The following RIC1 variants were observed in gnomAD, a reference collection of about 807,000 sequenced individuals.
RIC1 encodes the protein guanine nucleotide exchange factor subunit RIC1.
In RIC1, 88 loss-of-function variants were observed where a neutral mutation model predicts 169.0. That is an observed-to-expected ratio of 0.52 (90% CI 0.44 to 0.62). The LOEUF (loss-of-function observed/expected upper bound fraction) is 0.62, where lower values mean the gene tolerates loss of function less well. Among genes scored for constraint, RIC1 ranks in the 20% least tolerant of loss-of-function variants. RIC1 has a pLI of 0.00. For synonymous variants in RIC1, 790 were observed against 601.5 expected (o/e 1.31, Z -4.59); for missense variants, 1,877 against 1,725.5 (o/e 1.09, Z -1.56).
chr9:5,664,662 TCCTA>T (rs962826720), intron 2 of RIC1, among the ~76,000 whole-genome samples: 17 of 152,168 alleles, frequency 1.1e-4, no homozygotes, highest in African/African-American at 4.1e-4. Context: ...TGGCCTGTCT[TCCTA>T]GGTTGGGGAA....
chr9:5,671,270 TA>T (rs1477702575), intron 2 of RIC1, among the ~76,000 whole-genome samples: 123 of 147,782 alleles, frequency 8.3e-4, no homozygotes, highest in African/African-American at 3.0e-3. Flanking sequence ...TTATTATTAT[TA>T]TTATTTTTTT....
At chr9:5,715,164 C>T (rs1823156230) in intron 4 of RIC1, among the ~76,000 whole-genome samples, 1 of 152,180 alleles carries the variant, frequency 6.6e-6, no homozygotes, top group Non-Finnish European at 1.5e-5. Flanking sequence ...CAAGGTTATT[C>T]ATCACTTCAC....
intron 12 of RIC1, among the ~76,000 whole-genome samples, chr9:5,748,399 G>C (rs1195374835): frequency 5.3e-5 from 8 of 152,182 alleles, no homozygotes; most frequent in Non-Finnish European, 1.2e-4. Flanking sequence ...CATGTGAAAG[G>C]TTGAAGGATT....
At chr9:5,682,775 C>G (rs544514245) in intron 2 of RIC1, among the ~76,000 whole-genome samples, 4 of 152,312 alleles carry the variant, frequency 2.6e-5, no homozygotes, top group South Asian at 4.1e-4. Flanking sequence ...GTTCCATTCT[C>G]CCCGTCACTT....
At chr9:5,738,397 T>C in intron 7 of RIC1, 53 bp from the exon 8 acceptor site, 1 of 1,242,990 alleles carries the variant, frequency 8.0e-7, no homozygotes, top group Non-Finnish European at 1.2e-6. Context: ...TAATGCTTTT[T>C]CTATTTGTAT....
At chr9:5,677,078 A>G (rs113172138) in intron 2 of RIC1, among the ~76,000 whole-genome samples, 1,929 of 152,306 alleles carry the variant, frequency 0.013, 55 homozygotes, top group African/African-American at 0.044. Flanking sequence ...GTAGAAGTAT[A>G]TTTGACTTTT....
intron 17 of RIC1, among the ~76,000 whole-genome samples, chr9:5,759,348 TAG>T (rs1311289833): frequency 6.6e-6 from 1 of 152,174 alleles, no homozygotes; most frequent in Non-Finnish European, 1.5e-5. Context: ...AAATCAAGTA[TAG>T]AGAGTCATCT....
chr9:5,733,774 A>G (rs981312698), intron 7 of RIC1, among the ~76,000 whole-genome samples: 2 of 151,810 alleles, frequency 1.3e-5, no homozygotes, highest in Non-Finnish European at 2.9e-5. Flanking sequence ...ATTCAGTCAT[A>G]TTTTGTTTAG....
intron 10 of RIC1, among the ~76,000 whole-genome samples, chr9:5,745,721 T>C (rs1825336044): frequency 6.6e-6 from 1 of 152,202 alleles, no homozygotes; most frequent in Admixed American, 6.5e-5. Flanking sequence ...CTTTTGCAGA[T>C]AGAGAGCAGT....
At chr9:5,690,144 C>G in intron 3 of RIC1, 106 bp downstream of exon 3, 2 of 618,138 alleles carry the variant, frequency 3.2e-6, no homozygotes, top group Non-Finnish European at 5.2e-6. Flanking sequence ...AAAACTAAAC[C>G]AGCATTTCCC....
chr9:5,674,006 C>A (rs1022223818), intron 2 of RIC1, among the ~76,000 whole-genome samples: 2 of 152,142 alleles, frequency 1.3e-5, no homozygotes, highest in African/African-American at 4.8e-5. Flanking sequence ...GATTTATCAA[C>A]TGTGCTCGTC....
chr9:5,776,093 A>G lies in RIC1; in HGVS notation c.*1847A>G, dbSNP rs1827567265. ...TGATCTTTTCAAGTATCTGAAATAAAACACTGTGCTGCTGAGTTCATCTCA... is the reference window on the plus strand; with the variant it reads ...TGATCTTTTCAAGTATCTGAAATAAGACACTGTGCTGCTGAGTTCATCTCA... On this transcript the variant is annotated 3_prime_UTR_variant, in exon 26 of 26. Coordinates refer to ENST00000414202, the MANE Select transcript of RIC1 (RefSeq NM_020829.4). 6.6e-6 allele frequency: 1 copy of G among 152,162 alleles called. No individual in the cohort carries two copies. 9.4% of individuals were successfully genotyped at this position (152,162 alleles called of 1,614,324 possible). A position where few individuals can be genotyped will look rare whatever the true frequency, so the allele number is the denominator to read the frequency against.
intron 3 of RIC1, among the ~76,000 whole-genome samples, chr9:5,710,982 A>C (rs1251115142): frequency 6.6e-6 from 1 of 152,194 alleles, no homozygotes; most frequent in Non-Finnish European, 1.5e-5. Flanking sequence ...GGAATGGAGA[A>C]GCTTATTATT....
intron 2 of RIC1, among the ~76,000 whole-genome samples, chr9:5,688,337 A>G (rs1821376546): frequency 6.6e-6 from 1 of 152,186 alleles, no homozygotes; most frequent in Admixed American, 6.5e-5. Flanking sequence ...TAAGCTGGGT[A>G]AGAGTAGGAG....
In RIC1 at chr9:5,773,063, A is replaced by G. The variant is rs1303924791; in HGVS notation, c.3966A>G (p.Arg1322=). ...NIKTGLHAVD[R]WASTDCPGYK... ...AGACAGGGCTCCATGCAGTGGACCG[A>G]TGGGCCTCTACAGACTGGTAAGTGC... The change falls in exon 25 of 26, where the codon CGA becomes CGG. Residue 1322 remains arginine (R), a synonymous_variant. Transcript: ENST00000414202. 5 of 1,611,948 alleles carry G rather than the reference A, an allele frequency of 3.1e-6. No individual in the cohort carries two copies. The highest frequency in any genetic ancestry group is 3.4e-6 in the Non-Finnish European group (4 of 1,178,774).
chr9:5,770,458 ATATT>A (rs1827132846), intron 23 of RIC1, among the ~76,000 whole-genome samples, 180 bp downstream of exon 23: 1 of 152,188 alleles, frequency 6.6e-6, no homozygotes. Flanking sequence ...GTACTTTGCC[ATATT>A]TATTTTATGT....
At chr9:5,678,103 T>G (rs1343314233) in intron 2 of RIC1, among the ~76,000 whole-genome samples, 4 of 152,086 alleles carry the variant, frequency 2.6e-5, no homozygotes, top group Admixed American at 6.6e-5. Context: ...CGGTGTTTGT[T>G]TTTTTGTCCT....
intron 1 of RIC1, among the ~76,000 whole-genome samples, chr9:5,648,618 G>A (rs551575647): frequency 6.6e-5 from 10 of 152,114 alleles, no homozygotes; most frequent in African/African-American, 1.7e-4. Flanking sequence ...GGTAATGGCT[G>A]TACTAATTTA....
intron 3 of RIC1, among the ~76,000 whole-genome samples, chr9:5,711,537 CT>C (rs1193957196): frequency 6.6e-6 from 1 of 151,304 alleles, no homozygotes; most frequent in East Asian, 1.9e-4. Flanking sequence ...GGACATACGT[CT>C]TTTTTGTTTG....
Sources: allele counts gnomAD v4.1 joint callset (sites outside exome capture counted in the v4.1 genomes callset), GRCh38; gene constraint gnomAD v4.1.1; transcripts MANE v1.5; gene names NCBI Gene and HGNC (gene_info 2026-07-23, HGNC 2026-07-21).